Variants in TBC1D19 observed in about 807,000 individuals in gnomAD.
TBC1D19 encodes the protein TBC1 domain family, member 19.
In TBC1D19, 60 loss-of-function variants were observed where a neutral mutation model predicts 89.0. That is an observed-to-expected ratio of 0.67 (90% CI 0.55 to 0.84). TBC1D19 has a LOEUF of 0.84. Ranked by LOEUF, TBC1D19 falls within the 40% of genes least tolerant of loss-of-function variation. The probability of loss-of-function intolerance (pLI) is 0.00; values close to 1 mark genes in which losing one functional copy is unlikely to be tolerated. For synonymous variants in TBC1D19, 189 were observed against 199.7 expected (o/e 0.95, Z 0.45); for missense variants, 500 against 610.8 (o/e 0.82, Z 1.91).
the TBC1D19 span, among the ~76,000 whole-genome samples, chr4:26,800,296 G>A: frequency 1.3e-5 from 2 of 152,112 alleles, no homozygotes; most frequent in African/African-American, 2.4e-5. Context: ...GAGAATGACG[G>A]TTTCCAGTTT....
At chr4:26,628,874 G>A (rs1170705737) in intron 4 of TBC1D19, among the ~76,000 whole-genome samples, 1 of 151,946 alleles carries the variant, frequency 6.6e-6, no homozygotes, top group Non-Finnish European at 1.5e-5. Context: ...ACAAACAAAT[G>A]GAAGAACATT....
chr4:26,614,482 T>C (rs576255175), intron 3 of TBC1D19, 29 bp downstream of exon 3: 143 of 1,539,378 alleles, frequency 9.3e-5, no homozygotes, highest in Non-Finnish European at 1.1e-4. Context: ...TTTACAATAG[T>C]ATTTTGTTTA....
upstream of TBC1D19, among the ~76,000 whole-genome samples, chr4:26,581,316 T>TC (rs1186286412): frequency 2.0e-5 from 3 of 152,156 alleles, no homozygotes; most frequent in Non-Finnish European, 2.9e-5. Context: ...CATCAACCTG[T>TC]CATCTAGGTT....
the TBC1D19 span, among the ~76,000 whole-genome samples, chr4:26,790,675 G>A: frequency 6.6e-6 from 1 of 152,174 alleles, no homozygotes. Context: ...CTGTACAGCT[G>A]TAAAGTTTGC....
At chr4:26,795,103 A>G in the TBC1D19 span, among the ~76,000 whole-genome samples, 1 of 152,120 alleles carries the variant, frequency 6.6e-6, no homozygotes, top group African/African-American at 2.4e-5. Flanking sequence ...CAAACTCCAT[A>G]TGCTGGTCCC....
chr4:26,674,769 A>G (rs533376102), intron 11 of TBC1D19, among the ~76,000 whole-genome samples: 2 of 152,176 alleles, frequency 1.3e-5, no homozygotes, highest in Non-Finnish European at 2.9e-5. Flanking sequence ...TGCCTGGAAC[A>G]TAAATGATCA....
At chr4:26,642,919 G>A (rs917882208) in intron 7 of TBC1D19, among the ~76,000 whole-genome samples, 1 of 152,152 alleles carries the variant, frequency 6.6e-6, no homozygotes, top group African/African-American at 2.4e-5. Flanking sequence ...GAAGCACCCA[G>A]ATTCAAAAAG....
the TBC1D19 span, among the ~76,000 whole-genome samples, chr4:26,777,137 T>TC: frequency 2.2e-4 from 2 of 8,920 alleles, no homozygotes; most frequent in African/African-American, 2.3e-4. Context: ...TCTCTCTTCT[T>TC]TTTTTTTTTT....
At chr4:26,748,267 C>A in intron 18 of TBC1D19, 144 bp from the exon 19 acceptor site, 1 of 611,662 alleles carries the variant, frequency 1.6e-6, no homozygotes, top group Non-Finnish European at 2.9e-6. Context: ...TGCACTCTTG[C>A]AGCTTTCAAG....
chr4:26,681,393 A>C (rs1275976712), intron 11 of TBC1D19, among the ~76,000 whole-genome samples: 3 of 151,828 alleles, frequency 2.0e-5, no homozygotes, highest in Non-Finnish European at 4.4e-5. Flanking sequence ...CAAAAAACAA[A>C]AAAAAAAATC....
the TBC1D19 span, among the ~76,000 whole-genome samples, chr4:26,826,570 A>T: frequency 6.6e-5 from 10 of 152,336 alleles, no homozygotes; most frequent in African/African-American, 2.4e-4. Flanking sequence ...TCTCTCCAAT[A>T]TACCTTTCAA....
At chr4:26,782,737 CTT>C in the TBC1D19 span, among the ~76,000 whole-genome samples, 199 of 148,326 alleles carry the variant, frequency 1.3e-3, no homozygotes, top group African/African-American at 4.3e-3. Context: ...AAAACATTGA[CTT>C]TTTTTTTAAT....
chr4:26,598,979 A>T (rs1740419289), intron 1 of TBC1D19, among the ~76,000 whole-genome samples: 1 of 152,060 alleles, frequency 6.6e-6, no homozygotes, highest in Non-Finnish European at 1.5e-5. Context: ...AGAAAGAAGG[A>T]TAAAGCAGGA....
intron 7 of TBC1D19, among the ~76,000 whole-genome samples, chr4:26,651,585 T>C (rs1744386734): frequency 6.6e-6 from 1 of 152,222 alleles, no homozygotes; most frequent in Non-Finnish European, 1.5e-5. Flanking sequence ...TTTGCTGAAG[T>C]TGCTTATCAG....
the TBC1D19 span, among the ~76,000 whole-genome samples, chr4:26,781,955 T>C: frequency 3.3e-5 from 5 of 152,182 alleles, no homozygotes. Context: ...TATACCTTTA[T>C]AGCAGAAATT....
intron 13 of TBC1D19, among the ~76,000 whole-genome samples, chr4:26,691,319 C>A (rs1714262953): frequency 6.6e-6 from 1 of 152,200 alleles, no homozygotes; most frequent in African/African-American, 2.4e-5. Context: ...TACACTATTA[C>A]ATAAACTTAG....
At chr4:26,613,849 G>A (rs892376094) in intron 2 of TBC1D19, among the ~76,000 whole-genome samples, 1 of 152,114 alleles carries the variant, frequency 6.6e-6, no homozygotes, top group Non-Finnish European at 1.5e-5. Context: ...TTTTCATAGA[G>A]CAAGAGGAGA....
intron 13 of TBC1D19, among the ~76,000 whole-genome samples, chr4:26,708,205 A>G (rs1021478752): frequency 1.1e-4 from 16 of 152,028 alleles, no homozygotes; most frequent in African/African-American, 3.9e-4. Context: ...AAGTCTGAAT[A>G]TCTCTCTCAC....
intron 13 of TBC1D19, among the ~76,000 whole-genome samples, chr4:26,689,803 A>G (rs7688132): frequency 6.6e-4 from 101 of 152,160 alleles, no homozygotes; most frequent in Admixed American, 1.1e-3. Flanking sequence ...CTTTCTATAC[A>G]CTGAGACACA....
Sources: gnomAD v4.1 joint callset for allele counts (sites outside exome capture counted in the v4.1 genomes callset) on GRCh38, gnomAD v4.1.1 for gene constraint, MANE v1.5 for transcripts, NCBI Gene and HGNC (gene_info 2026-07-23, HGNC 2026-07-21) for gene names.